The following MYO5B variants were observed in gnomAD, a reference collection of about 807,000 sequenced individuals.
MYO5B encodes myosin VB, also known as unconventional myosin-Vb.
In MYO5B, 143 loss-of-function variants were observed where a neutral mutation model predicts 229.3. That is an observed-to-expected ratio of 0.62 (90% CI 0.54 to 0.72). MYO5B has a LOEUF of 0.72. Ranked by LOEUF, MYO5B falls within the 30% of genes least tolerant of loss-of-function variation. The pLI, the probability that MYO5B is intolerant of heterozygous loss-of-function variation, is 0.00. For synonymous variants in MYO5B, 918 were observed against 885.2 expected (o/e 1.04, Z -0.66); for missense variants, 2,321 against 2,331.0 (o/e 1.00, Z 0.09).
intron 1 of MYO5B, among the ~76,000 whole-genome samples, chr18:50,154,653 T>C (rs937285155): frequency 8.5e-5 from 13 of 152,184 alleles, no homozygotes; most frequent in African/African-American, 3.1e-4. Context: ...CAAGCAAAAA[T>C]GCAGATTAAT....
chr18:49,935,160 G>A (rs1379317289), intron 16 of MYO5B, among the ~76,000 whole-genome samples: 1 of 152,202 alleles, frequency 6.6e-6, no homozygotes, highest in Non-Finnish European at 1.5e-5. Flanking sequence ...GAACGTGCAT[G>A]GAGACTTCAT....
At position 49,836,748 on chromosome 18, in the gene MYO5B, G is replaced by C. The variant is rs745453435; in HGVS notation, c.5276C>G (p.Ala1759Gly). Residue 1759 changes from alanine to glycine, a missense_variant, in exon 38 of 40, where the codon GCT becomes GGT. Coordinates refer to ENST00000285039, the MANE Select transcript of MYO5B (RefSeq NM_001080467.3). ...LKKKTQEDAE[A>G]ICSLCTSLST... ...GAGGGAGGTACACAGGGAGCAGATA[G>C]CCTCTGCGTCCTCCTGGGTTTTCTT... 9 of 1,614,172 alleles carry C rather than the reference G, an allele frequency of 5.6e-6. No individual in the cohort carries two copies. The highest frequency in any genetic ancestry group is 7.6e-6 in the Non-Finnish European group (9 of 1,180,016).
chr18:50,167,174 T>C (rs2032864353), intron 1 of MYO5B, among the ~76,000 whole-genome samples: 1 of 152,270 alleles, frequency 6.6e-6, no homozygotes, highest in South Asian at 2.1e-4. Context: ...CATCTTTCCT[T>C]AGGAAAATCC....
chr18:50,192,862 T>C (rs951260088), intron 1 of MYO5B, among the ~76,000 whole-genome samples: 1 of 152,218 alleles, frequency 6.6e-6, no homozygotes, highest in Non-Finnish European at 1.5e-5. Flanking sequence ...GTCTTGAACT[T>C]GATGGAAACT....
chr18:50,000,462 T>G (rs2026033831), intron 5 of MYO5B, among the ~76,000 whole-genome samples: 1 of 152,186 alleles, frequency 6.6e-6, no homozygotes, highest in South Asian at 2.1e-4. Flanking sequence ...GAGCTTTAGC[T>G]TCAAAGGTGG....
chr18:49,937,270 T>C lies in MYO5B; in HGVS notation c.1880A>G (p.Glu627Gly), dbSNP rs1484482117. 1 of 1,614,130 alleles carries C rather than the reference T, an allele frequency of 6.2e-7. No homozygotes were observed. Among genetic ancestry groups the C allele is most frequent in the South Asian group, 1.1e-5 (1 of 91,070 alleles). Residue 627 changes from glutamate to glycine, a missense_variant, in exon 15 of 40, where the codon GAG becomes GGG. By Grantham distance (98) the Glu-to-Gly change is moderately conservative. This residue lies in a region of MYO5B where 2,113 missense variants were observed against 2,044.7 expected (regional missense o/e 1.03). Coordinates refer to ENST00000285039, the MANE Select transcript of MYO5B (RefSeq NM_001080467.3). Reference sequence around the variant, plus strand: ...CTGGTGGCCAACGGTTTTCTTGTGCTCCTTGTTGGAGACTTTCATGGGGGG... The same window carrying C: ...CTGGTGGCCAACGGTTTTCTTGTGCCCCTTGTTGGAGACTTTCATGGGGGG... ...ARPPMKVSNKEHKKTVGHQFR... is the reference protein window; with the variant it reads ...ARPPMKVSNKGHKKTVGHQFR...
intron 1 of MYO5B, among the ~76,000 whole-genome samples, chr18:50,194,092 A>C (rs2033265299): frequency 6.6e-6 from 1 of 152,176 alleles, no homozygotes; most frequent in African/African-American, 2.4e-5. Context: ...GGCCGCGTCA[A>C]AACATCCATC....
chr18:49,937,422 A>G, intron 14 of MYO5B, 25 bp from the exon 15 acceptor site: 1 of 1,612,676 alleles, frequency 6.2e-7, no homozygotes, highest in Non-Finnish European at 8.5e-7. Flanking sequence ...AGGAAGAATG[A>G]TGAAAGTGAC....
At chr18:50,076,712 GC>G (rs2031086589) in intron 1 of MYO5B, among the ~76,000 whole-genome samples, 2 of 152,106 alleles carry the variant, frequency 1.3e-5, no homozygotes, top group Admixed American at 1.3e-4. Context: ...CTGGTCCACT[GC>G]CCCCGCTGCC....
chr18:49,950,745 C>T (rs773331706), intron 14 of MYO5B, among the ~76,000 whole-genome samples: 24 of 152,246 alleles, frequency 1.6e-4, no homozygotes, highest in Non-Finnish European at 2.8e-4. Context: ...TTCTACAATA[C>T]TTTAATTTTT....
At chr18:50,064,871 T>G (rs909826418) in intron 1 of MYO5B, among the ~76,000 whole-genome samples, 1 of 152,220 alleles carries the variant, frequency 6.6e-6, no homozygotes, top group Non-Finnish European at 1.5e-5. Context: ...TATTTTAGGC[T>G]AAGTTCTCTT....
chr18:49,836,291 ATTAGTT>A (rs1196752289), intron 38 of MYO5B, among the ~76,000 whole-genome samples: 1 of 152,224 alleles, frequency 6.6e-6, no homozygotes, highest in Non-Finnish European at 1.5e-5. Flanking sequence ...CCATATTGCA[ATTAGTT>A]TTAAAGAAAA....
intron 15 of MYO5B, 69 bp downstream of exon 15, chr18:49,937,176 A>C: frequency 3.1e-5 from 47 of 1,533,950 alleles, no homozygotes; most frequent in Non-Finnish European, 3.8e-5. Context: ...CCCTGCCGCC[A>C]TCCTTCATCT....
At chr18:49,881,250 G>T (rs1036707031) in intron 22 of MYO5B, among the ~76,000 whole-genome samples, 4 of 152,028 alleles carry the variant, frequency 2.6e-5, no homozygotes, top group African/African-American at 9.7e-5. Flanking sequence ...CCTGGTCTTA[G>T]GAAGGCCAAA....
chr18:50,104,628 C>T (rs927231678), intron 1 of MYO5B, among the ~76,000 whole-genome samples: 4 of 152,156 alleles, frequency 2.6e-5, no homozygotes, highest in Non-Finnish European at 5.9e-5. Flanking sequence ...GTAACCAGTT[C>T]CTCGCAAATA....
At chr18:50,127,331 T>A (rs1438222032) in intron 1 of MYO5B, among the ~76,000 whole-genome samples, 1 of 152,228 alleles carries the variant, frequency 6.6e-6, no homozygotes, top group African/African-American at 2.4e-5. Context: ...ATCATCTTGG[T>A]CTGTAATCCC....
chr18:50,095,599 C>A (rs116523645), intron 1 of MYO5B, among the ~76,000 whole-genome samples: 1,551 of 152,182 alleles, frequency 0.01, 21 homozygotes, highest in African/African-American at 0.035. Context: ...TAAGCCCAGC[C>A]CCATTGTGAA....
In MYO5B at chr18:50,037,004, G is replaced by T; in HGVS notation, c.311-10C>A. On this transcript the variant is annotated splice_polypyrimidine_tract_variant and intron_variant, in intron 3 of 39. Transcript: ENST00000285039. ...GCAACAAGTACGATACCTGCAAACA[G>T]ACAAGGTGGTCAGATTCCGACAGCA... 1.9e-6 allele frequency: 3 copies of T among 1,614,092 alleles called. No individual in the cohort carries two copies. The highest frequency in any genetic ancestry group is 2.5e-6 in the Non-Finnish European group (3 of 1,179,988).
At chr18:49,897,053 T>C (rs562624452) in intron 21 of MYO5B, among the ~76,000 whole-genome samples, 4 of 152,204 alleles carry the variant, frequency 2.6e-5, no homozygotes, top group East Asian at 1.9e-4. Context: ...CCCTGGAGAG[T>C]TGCCCGAGTC....
Sources: gnomAD v4.1 joint callset for allele counts (sites outside exome capture counted in the v4.1 genomes callset) on GRCh38, gnomAD v4.1.1 for gene constraint, gnomAD v4.1.1 regional missense constraint, MANE v1.5 for transcripts, NCBI Gene and HGNC (gene_info 2026-07-23, HGNC 2026-07-21) for gene names.